The following ARHGAP5 variants were observed in gnomAD, a reference collection of about 807,000 sequenced individuals.
ARHGAP5 encodes rho GTPase-activating protein 5.
A neutral mutation model predicts 116.6 loss-of-function variants in ARHGAP5; 23 were observed. The observed-to-expected ratio is 0.20, with a 90% confidence interval of 0.14 to 0.28. The LOEUF is 0.28. Ranked by LOEUF, ARHGAP5 falls within the 10% of genes least tolerant of loss-of-function variation. The pLI is 1.00. For synonymous variants in ARHGAP5, 574 were observed against 602.0 expected, an observed-to-expected ratio of 0.95 and a Z score of 0.68; for missense variants, 1,405 against 1,774.8, an observed-to-expected ratio of 0.79 and a Z score of 3.74.
At chr14:32,106,185 G>A (rs1418016976) in intron 2 of ARHGAP5, among the ~76,000 whole-genome samples, 9 of 152,046 alleles carry the variant, frequency 5.9e-5, no homozygotes, top group Admixed American at 1.3e-4. Context: ...GCAGTGGCGC[G>A]ATCTCAGCTC....
intron 6 of ARHGAP5, chr14:32,153,916 A>C (rs558351113): frequency 2.6e-5 from 4 of 152,166 alleles, no homozygotes; most frequent in African/African-American, 9.6e-5. Context: ...AGGAGAGAGA[A>C]AGAAAGAGAG....
chr14:32,141,510 C>G (rs181562227), intron 3 of ARHGAP5, among the ~76,000 whole-genome samples: 6 of 152,118 alleles, frequency 3.9e-5, no homozygotes, highest in African/African-American at 1.4e-4. Flanking sequence ...TAAAATCATA[C>G]CAGGACAAAA....
intron 3 of ARHGAP5, among the ~76,000 whole-genome samples, chr14:32,139,000 G>A (rs1352795288): frequency 6.6e-6 from 1 of 150,634 alleles, no homozygotes; most frequent in Admixed American, 6.6e-5. Flanking sequence ...CTATTAATGT[G>A]GCCCATCAGA....
intron 2 of ARHGAP5, among the ~76,000 whole-genome samples, chr14:32,103,374 A>G (rs1033566684): frequency 3.3e-5 from 5 of 152,162 alleles, no homozygotes; most frequent in Non-Finnish European, 1.5e-5. Context: ...TTTTGTTAAG[A>G]CTTAATTGGA....
At chr14:32,119,714 G>A (rs1247770714) in intron 3 of ARHGAP5, among the ~76,000 whole-genome samples, 1 of 152,106 alleles carries the variant, frequency 6.6e-6, no homozygotes, top group Non-Finnish European at 1.5e-5. Context: ...TACAAAATAG[G>A]TGTTGATTTT....
chr14:32,154,802 G>A lies in ARHGAP5; in HGVS notation c.4363G>A (p.Val1455Ile), dbSNP rs1203882701. 6.8e-6 allele frequency: 11 copies of A among 1,614,150 alleles called. No individual in the cohort carries two copies. Among genetic ancestry groups the A allele is most frequent in the Non-Finnish European group, 8.5e-6 (10 of 1,180,014 alleles). The change falls in exon 7 of 7, where the codon GTA becomes ATA. Residue 1455 changes from valine (V) to isoleucine (I), a missense_variant. By Grantham distance (29) the Val-to-Ile change is conservative. Transcript: ENST00000345122. ...GTTTTTCTTTTACAATGGAGAAATT[G>A]TAGAAACGACAAACATTGTGGCTCC... ...CQFFFYNGEI[V>I]ETTNIVAPPP...
chr14:32,143,321 C>T (rs1881223984), intron 3 of ARHGAP5, among the ~76,000 whole-genome samples: 2 of 151,850 alleles, frequency 1.3e-5, no homozygotes, highest in African/African-American at 4.8e-5. Context: ...CGGCTCACTG[C>T]AACCTCCGCC....
intron 5 of ARHGAP5, among the ~76,000 whole-genome samples, chr14:32,151,576 GAC>G (rs1169174299): frequency 2.0e-5 from 3 of 151,250 alleles, no homozygotes; most frequent in Non-Finnish European, 4.4e-5. Flanking sequence ...AAAATTTCAT[GAC>G]ACATTAAAAT....
Position 32,091,557 on chromosome 14 carries a change from A to G in ARHGAP5, c.888A>G (p.Lys296=), listed in dbSNP as rs767038743. ...YHATWKTVSN[K]LKNHPDYEEY... is the part of the protein sequence containing the mutation. ...CAACTTGGAAAACTGTTAGTAATAA[A>G]TTAAAAAATCATCCTGATTATGAAG... The change falls in exon 2 of 7, where the codon AAA becomes AAG. Residue 296 remains lysine (K), a synonymous_variant. Coordinates refer to ENST00000345122, the MANE Select transcript of ARHGAP5 (RefSeq NM_001030055.2). 3 of 1,612,176 alleles carry G rather than the reference A, an allele frequency of 1.9e-6. No homozygotes were observed. Among genetic ancestry groups the G allele is most frequent in the East Asian group, 2.2e-5 (1 of 44,828 alleles).
intron 1 of ARHGAP5, among the ~76,000 whole-genome samples, chr14:32,078,625 G>A (rs1379127291): frequency 6.6e-6 from 1 of 152,040 alleles, no homozygotes; most frequent in Non-Finnish European, 1.5e-5. Flanking sequence ...GGCGGGGGGC[G>A]AGTTTGTCAA....
chr14:32,093,829 C>T lies in ARHGAP5; in HGVS notation c.3160C>T (p.Leu1054Phe). 6.2e-7 allele frequency: 1 copy of T among 1,613,482 alleles called. No homozygotes were observed. Among genetic ancestry groups the T allele is most frequent in the Non-Finnish European group, 8.5e-7 (1 of 1,179,852 alleles). The change falls in exon 2 of 7, where the codon CTC (leucine) becomes TTC (phenylalanine). Residue 1054 changes from leucine to phenylalanine, a missense_variant. By Grantham distance (22) the Leu-to-Phe change is conservative (BLOSUM62 0). Coordinates refer to ENST00000345122, the MANE Select transcript of ARHGAP5 (RefSeq NM_001030055.2). ...TGTACCTAAGACAAATGTGAAAAAA[C>T]TCGATCCAAACCTTTTAAAAACAAT... ...PVVPKTNVKK[L>F]DPNLLKTIEA... is the part of the protein sequence containing the mutation.
chr14:32,117,250 A>C lies in ARHGAP5; in HGVS notation c.3828A>C (p.Leu1276=). The C allele has an allele frequency of 1.2e-6, 2 of 1,608,714 alleles. No homozygotes were observed. Among genetic ancestry groups the C allele is most frequent in the Non-Finnish European group, 1.7e-6 (2 of 1,176,808 alleles). ...TTACAGCTGAGAAGCCCATACCACTATTTGTTGAGAAATGTGTGGAATTTA... is the reference window on the plus strand; with the variant it reads ...TTACAGCTGAGAAGCCCATACCACTCTTTGTTGAGAAATGTGTGGAATTTA... ...DLVTAEKPIP[L]FVEKCVEFIE... Residue 1276 remains leucine (L), a synonymous_variant, in exon 3 of 7, where the codon CTA becomes CTC. Transcript: ENST00000345122.
rs761810198 is a variant in ARHGAP5 at position 32,092,988 on chromosome 14, A to G, written c.2319A>G (p.Leu773=). 6.2e-7 allele frequency: 1 copy of G among 1,614,124 alleles called. No homozygotes were observed. The highest frequency in any genetic ancestry group is 1.1e-5 in the South Asian group (1 of 91,090). ...GCCCAATTCCTGCCAATAAGGACTT[A>G]TCAGAAGCTGACTTGAGAATTGTCA... The part of the protein sequence containing the change: ...VVSPIPANKD[L]SEADLRIVMC... The change falls in exon 2 of 7, where the codon TTA becomes TTG. Residue 773 remains leucine (L), a synonymous_variant. Coordinates refer to ENST00000345122, the MANE Select transcript of ARHGAP5 (RefSeq NM_001030055.2). The surrounding 1 kb of genome is among the most constrained non-coding windows in gnomAD (Gnocchi z 4.1).
chr14:32,098,612 G>A (rs116561350), intron 2 of ARHGAP5, among the ~76,000 whole-genome samples: 36 of 152,298 alleles, frequency 2.4e-4, no homozygotes, highest in South Asian at 6.2e-4. Context: ...GATAGTAAAT[G>A]TTTTAGGCTT....
intron 3 of ARHGAP5, among the ~76,000 whole-genome samples, chr14:32,131,997 A>G (rs919314650): frequency 2.6e-5 from 4 of 152,124 alleles, no homozygotes; most frequent in African/African-American, 7.2e-5. Flanking sequence ...TTGGACATTT[A>G]GGTTGGTTCC....
chr14:32,133,577 C>T (rs1880621639), intron 3 of ARHGAP5, among the ~76,000 whole-genome samples: 1 of 152,072 alleles, frequency 6.6e-6, no homozygotes, highest in Non-Finnish European at 1.5e-5. Flanking sequence ...CCTTTATTTC[C>T]TTCTCCTGCC....
chr14:32,116,663 CA>C (rs1346126151), intron 2 of ARHGAP5, among the ~76,000 whole-genome samples: 1 of 151,978 alleles, frequency 6.6e-6, no homozygotes, highest in Non-Finnish European at 1.5e-5. Context: ...AAATAAGGGA[CA>C]AATGATGGAA....
chr14:32,091,920 T>G lies in ARHGAP5; in HGVS notation c.1251T>G (p.His417Gln). The G allele has an allele frequency of 6.2e-7, 1 of 1,613,600 alleles. No individual in the cohort carries two copies. Among genetic ancestry groups the G allele is most frequent in the South Asian group, 1.1e-5 (1 of 91,048 alleles). The part of the protein sequence containing the change: ...TLEAEKVYQN[H>Q]VQHLISEKRR... The stretch of plus-strand genomic sequence containing the variant: ...AAGCTGAAAAAGTCTATCAGAACCA[T>G]GTACAGCATCTGATATCCGAGAAGA... The change falls in exon 2 of 7, where the codon CAT (histidine) becomes CAG (glutamine). Residue 417 changes from histidine (H) to glutamine (Q), a missense_variant. By Grantham distance (24) the His-to-Gln change is conservative (BLOSUM62 0). Around this residue, in one of 6 missense-constraint regions of ARHGAP5, gnomAD observed 944 missense variants for 1,095.3 expected, o/e 0.86. Transcript: ENST00000345122.
At chr14:32,126,174 CAG>C (rs902075622) in intron 3 of ARHGAP5, among the ~76,000 whole-genome samples, 7 of 152,060 alleles carry the variant, frequency 4.6e-5, no homozygotes, top group African/African-American at 9.7e-5. Flanking sequence ...TTCCTTATCT[CAG>C]GGGAAGCTTT....
Sources: gnomAD v4.1 joint callset for allele counts (sites outside exome capture counted in the v4.1 genomes callset) on GRCh38, gnomAD v4.1.1 for gene constraint, gnomAD v4.1.1 regional missense constraint, Gnocchi (gnomAD v3.1) non-coding constraint, MANE v1.5 for transcripts, NCBI Gene and HGNC (gene_info 2026-07-23, HGNC 2026-07-21) for gene names.